Variants in CCDC178 observed in about 807,000 individuals in gnomAD.
CCDC178 encodes coiled-coil domain-containing protein 178.
Under a neutral mutation model 117.4 loss-of-function variants are expected in CCDC178, and 126 were observed. The observed-to-expected ratio is 1.07, with a 90% confidence interval of 0.93 to 1.24. CCDC178 has a LOEUF of 1.24. Ranked by LOEUF, CCDC178 falls within the 50% of genes most tolerant of loss-of-function variation. The pLI is 0.00. For synonymous variants in CCDC178, 283 were observed against 313.4 expected (o/e 0.90, Z 1.02); for missense variants, 1,030 against 986.9 (o/e 1.04, Z -0.59).
intron 11 of CCDC178, among the ~76,000 whole-genome samples, chr18:33,296,800 G>T (rs999043811): frequency 2.0e-5 from 3 of 152,162 alleles, no homozygotes; most frequent in African/African-American, 7.2e-5. Context: ...GGCAAGGCAG[G>T]TGGATCACCA....
intron 21 of CCDC178, among the ~76,000 whole-genome samples, chr18:33,037,604 C>A (rs2056468831): frequency 6.6e-6 from 1 of 151,798 alleles, no homozygotes. Flanking sequence ...ATAGTCCAGC[C>A]CAGGAATGTA....
At chr18:33,206,734 A>G (rs926165007) in intron 20 of CCDC178, among the ~76,000 whole-genome samples, 6 of 152,202 alleles carry the variant, frequency 3.9e-5, no homozygotes, top group African/African-American at 1.4e-4. Context: ...AATATCTGTT[A>G]GGAGCAATTC....
At chr18:32,980,406 C>T (rs1301752024) in intron 21 of CCDC178, among the ~76,000 whole-genome samples, 1 of 151,604 alleles carries the variant, frequency 6.6e-6, no homozygotes, top group Admixed American at 6.6e-5. Context: ...CCCGTCTCTA[C>T]TAAAAATACA....
intron 9 of CCDC178, among the ~76,000 whole-genome samples, chr18:33,338,245 A>G (rs1361827108): frequency 6.6e-6 from 1 of 152,164 alleles, no homozygotes; most frequent in Non-Finnish European, 1.5e-5. Context: ...AAAAAAATGA[A>G]AAACATTATA....
intron 11 of CCDC178, among the ~76,000 whole-genome samples, chr18:33,316,788 G>A (rs1000795839): frequency 2.0e-5 from 3 of 151,854 alleles, no homozygotes; most frequent in South Asian, 2.1e-4. Flanking sequence ...TAGCTAATCC[G>A]GTGGTGACTT....
At chr18:33,014,734 GT>G (rs1345055527) in intron 21 of CCDC178, among the ~76,000 whole-genome samples, 1 of 152,166 alleles carries the variant, frequency 6.6e-6, no homozygotes, top group African/African-American at 2.4e-5. Context: ...TTACTAGTCT[GT>G]TTGGGGAGAA....
rs138755589 is a variant in CCDC178 at position 33,055,399 on chromosome 18, T to C, written c.2388+37362A>G. On this transcript the variant is annotated intron_variant, in intron 21 of 22. Coordinates refer to ENST00000383096, the MANE Select transcript of CCDC178 (RefSeq NM_001105528.4). ...TCACCCAGGCTGGAGTGCAGTGGCA[T>C]GAACATGGCTCACTGTAGGCCCAAT... Among the ~76,000 whole-genome samples, 17 of 149,594 alleles carry C rather than the reference T, an allele frequency of 1.1e-4. No homozygotes were observed. The East Asian group carries it at 3.3e-3, about 29-fold the overall frequency.
chr18:33,278,152 G>T (rs950643884), intron 12 of CCDC178, among the ~76,000 whole-genome samples: 2 of 151,244 alleles, frequency 1.3e-5, no homozygotes, highest in Non-Finnish European at 2.9e-5. Flanking sequence ...TATATCCTGG[G>T]GTGAAATGTC....
chr18:32,961,389 G>C (rs566777112), intron 22 of CCDC178, among the ~76,000 whole-genome samples: 47 of 152,054 alleles, frequency 3.1e-4, no homozygotes, highest in African/African-American at 1.1e-3. Context: ...AAATTTATCT[G>C]ATATTAATAT....
intron 10 of CCDC178, 85 bp from the exon 11 acceptor site, chr18:33,323,718 G>T: frequency 2.5e-6 from 2 of 807,408 alleles, no homozygotes; most frequent in Non-Finnish European, 3.4e-6. Context: ...TATTGATTTA[G>T]ATCAAAAGTT....
intron 10 of CCDC178, among the ~76,000 whole-genome samples, chr18:33,324,834 G>A (rs1009091179): frequency 3.3e-5 from 5 of 151,708 alleles, no homozygotes; most frequent in African/African-American, 1.2e-4. Context: ...AATATTTAAT[G>A]ACTTGGTAGT....
At chr18:33,209,923 G>C (rs575185317) in intron 20 of CCDC178, among the ~76,000 whole-genome samples, 26 of 151,996 alleles carry the variant, frequency 1.7e-4, no homozygotes, top group African/African-American at 6.0e-4. Context: ...GACAGACAGA[G>C]AGAGAGAGAG....
intron 20 of CCDC178, among the ~76,000 whole-genome samples, chr18:33,148,985 G>T (rs181259292): frequency 1.3e-5 from 2 of 152,292 alleles, no homozygotes; most frequent in African/African-American, 2.4e-5. Flanking sequence ...TGGCCAATGC[G>T]CTGTAAACAG....
chr18:32,980,440 G>A (rs1239812720), intron 21 of CCDC178, among the ~76,000 whole-genome samples: 1 of 151,674 alleles, frequency 6.6e-6, no homozygotes, highest in East Asian at 1.9e-4. Context: ...GCGCAGTGGC[G>A]GGCGCCTGTA....
At chr18:32,999,892 A>C (rs1042549091) in intron 21 of CCDC178, among the ~76,000 whole-genome samples, 6 of 152,122 alleles carry the variant, frequency 3.9e-5, no homozygotes, top group African/African-American at 1.4e-4. Context: ...AGGTACAAAC[A>C]AGCCCATACT....
intron 3 of CCDC178, among the ~76,000 whole-genome samples, chr18:33,398,641 A>G (rs932608992): frequency 9.9e-5 from 15 of 152,190 alleles, no homozygotes; most frequent in Non-Finnish European, 1.8e-4. Flanking sequence ...GTTAATACAT[A>G]TTTGCTGAAT....
intron 20 of CCDC178, among the ~76,000 whole-genome samples, chr18:33,149,835 G>A (rs1396548489): frequency 2.0e-5 from 3 of 152,016 alleles, no homozygotes; most frequent in African/African-American, 7.2e-5. Context: ...CTACAGTGAA[G>A]ATTAACAGTC....
At chr18:33,339,236 G>T (rs1874904593) in intron 9 of CCDC178, among the ~76,000 whole-genome samples, 1 of 151,764 alleles carries the variant, frequency 6.6e-6, no homozygotes, top group African/African-American at 2.4e-5. Context: ...ATAAGATATG[G>T]GAAATCAGAG....
At position 32,938,006 on chromosome 18, in the gene CCDC178, T is replaced by A; in HGVS notation, c.*5A>T. On this transcript the variant is annotated 3_prime_UTR_variant, in exon 23 of 23. Transcript: ENST00000383096. ...TTCAGCATCCAAGATACATTGGTTG[T>A]TTGCTTAACCATCGTTTTCGCATGT... 6.2e-7 allele frequency: 1 copy of A among 1,605,632 alleles called. No individual in the cohort carries two copies. The highest frequency in any genetic ancestry group is 8.5e-7 in the Non-Finnish European group (1 of 1,172,412).
Sources: gnomAD v4.1 joint callset for allele counts (sites outside exome capture counted in the v4.1 genomes callset) on GRCh38, gnomAD v4.1.1 for gene constraint, MANE v1.5 for transcripts, NCBI Gene and HGNC (gene_info 2026-07-23, HGNC 2026-07-21) for gene names.